The following GNL3L variants were observed in gnomAD, a reference collection of about 807,000 sequenced individuals.
GNL3L encodes the protein guanine nucleotide-binding protein-like 3-like protein.
GNL3L carries 4 observed loss-of-function variants against 42.9 expected under a neutral mutation model. The observed-to-expected ratio is 0.09, with a 90% CI of 0.05 to 0.21. The LOEUF (loss-of-function observed/expected upper bound fraction) is 0.21. Ranked by LOEUF, GNL3L falls within the 10% of genes least tolerant of loss-of-function variation. The pLI is 1.00. For synonymous variants in GNL3L, 159 were observed against 176.3 expected (o/e 0.90, Z 0.78); for missense variants, 412 against 481.7 (o/e 0.86, Z 1.36).
intron 16 of GNL3L, among the ~76,000 whole-genome samples, chrX:54,601,730 A>G (rs1926006874): frequency 8.9e-6 from 1 of 111,796 alleles, no homozygotes; most frequent in Non-Finnish European, 1.9e-5. Flanking sequence ...ATTAACCCCA[A>G]AACTGCCGTG....
downstream of GNL3L, among the ~76,000 whole-genome samples, chrX:54,571,310 C>T (rs1428220057): frequency 1.9e-5 from 2 of 107,402 alleles, no homozygotes; most frequent in Non-Finnish European, 3.8e-5. Context: ...TCTCCTGCCT[C>T]AGCCTCCCGA....
intron 16 of GNL3L, among the ~76,000 whole-genome samples, chrX:54,588,738 T>A (rs1925823687): frequency 9.0e-6 from 1 of 111,418 alleles, no homozygotes; most frequent in African/African-American, 3.3e-5. Flanking sequence ...GGCAGGAGAA[T>A]CATTTGAACC....
At chrX:54,586,059 T>C (rs1017408891) in intron 16 of GNL3L, among the ~76,000 whole-genome samples, 4 of 111,484 alleles carry the variant, frequency 3.6e-5, no homozygotes, top group African/African-American at 9.8e-5. Context: ...TAATCACACT[T>C]CAAATAGATC....
At chrX:54,593,505 C>CT (rs751204193) in intron 16 of GNL3L, among the ~76,000 whole-genome samples, 12 of 103,903 alleles carry the variant, frequency 1.2e-4, no homozygotes, top group Non-Finnish European at 1.6e-4. Flanking sequence ...TATTTGGGTC[C>CT]TTTTTTTTTT....
chrX:54,600,206 CTTTTTTTTTTTTTTTTTTTTTT>C (rs1172527598), intron 16 of GNL3L, among the ~76,000 whole-genome samples: 1 of 13,386 alleles, frequency 7.5e-5, no homozygotes, highest in African/African-American at 3.3e-4. Context: ...CAATCTGCTG[CTTTTTTTTTTTTTTTTTTTTTT>C]TTTTTTTTTT....
chrX:54,609,696 C>G (rs1286322738), intron 16 of GNL3L, among the ~76,000 whole-genome samples: 1 of 111,725 alleles, frequency 9.0e-6, no homozygotes, highest in Non-Finnish European at 1.9e-5. Context: ...CTATTCTGTT[C>G]CATTGATCTA....
intron 16 of GNL3L, among the ~76,000 whole-genome samples, chrX:54,578,755 C>T (rs1415078307): frequency 1.8e-5 from 2 of 112,089 alleles, no homozygotes; most frequent in Non-Finnish European, 3.8e-5. Flanking sequence ...TTGTGTTAAC[C>T]TAAGTTTTTA....
intron 16 of GNL3L, among the ~76,000 whole-genome samples, chrX:54,588,871 T>C (rs1367303339): frequency 8.9e-6 from 1 of 112,388 alleles, no homozygotes; most frequent in Non-Finnish European, 1.9e-5. Context: ...TTTATTATGC[T>C]TTATTTTATT....
chrX:54,613,792 C>T (rs1926191021), intron 16 of GNL3L, among the ~76,000 whole-genome samples: 2 of 110,639 alleles, frequency 1.8e-5, no homozygotes, highest in African/African-American at 6.6e-5. Flanking sequence ...CTGTGTATAC[C>T]AGCGCCTGTT....
In GNL3L at chrX:54,585,393, T is replaced by G. The variant is rs750979532; in HGVS notation, c.*45+24746T>G. On this transcript the variant is annotated intron_variant, in intron 16 of 16. Coordinates refer to the GNL3L transcript ENST00000674498. ...AGTGAAACCATATGACCCTAGTCTT[T>G]TCTTTGTTGGGATATTTTTTGATTA... 1.3e-4 allele frequency among the ~76,000 whole-genome samples: 14 copies of G among 111,260 alleles called. No homozygotes were observed. The South Asian group carries it at 5.3e-3, about 42-fold the overall frequency.
chrX:54,599,110 A>G lies in GNL3L; in HGVS notation c.*46-21735A>G, dbSNP rs184495855. 5.4e-4 allele frequency among the ~76,000 whole-genome samples: 60 copies of G among 112,139 alleles called. 1 individual carries two copies. The East Asian group carries it at 0.013, about 24-fold the overall frequency. The stretch of plus-strand genomic sequence containing the variant: ...AAATACAAGGAGAAAATCTCAAACC[A>G]GAGGATAATAAAAATCGTTTCTATA... On this transcript the variant is annotated intron_variant, in intron 16 of 16. Transcript: ENST00000674498.
intron 8 of GNL3L, among the ~76,000 whole-genome samples, chrX:54,546,629 T>C (rs765022600): frequency 8.9e-6 from 1 of 112,234 alleles, no homozygotes; most frequent in Non-Finnish European, 1.9e-5. Context: ...TTACATTTTC[T>C]TGGCCTTTTT....
the GNL3L span, among the ~76,000 whole-genome samples, chrX:54,634,370 C>T: frequency 0.083 from 9,243 of 111,685 alleles, 812 homozygotes; most frequent in African/African-American, 0.26. Flanking sequence ...GGCGCTATCT[C>T]GGCTCCCTGC....
At chrX:54,624,711 G>A (rs1175495436), downstream of GNL3L, among the ~76,000 whole-genome samples, 4 of 110,710 alleles carry the variant, frequency 3.6e-5, no homozygotes, top group Non-Finnish European at 1.9e-5. Context: ...AAAGTGCTGG[G>A]ATTACAGGCA....
intron 5 of GNL3L, 85 bp from the exon 6 acceptor site, chrX:54,542,870 C>A: frequency 5.4e-6 from 3 of 557,164 alleles, no homozygotes; most frequent in Non-Finnish European, 9.2e-6. Flanking sequence ...TTTTTTAAGC[C>A]TCCTATAGTT....
intron 16 of GNL3L, among the ~76,000 whole-genome samples, chrX:54,607,009 TTTC>T (rs1223283098): frequency 5.1e-4 from 16 of 31,400 alleles, no homozygotes; most frequent in Admixed American, 4.1e-3. Context: ...TCTTTCTTTC[TTTC>T]TTTCTTTCTT....
intron 15 of GNL3L, among the ~76,000 whole-genome samples, chrX:54,559,969 T>C (rs1017904025): frequency 3.6e-5 from 4 of 110,984 alleles, no homozygotes; most frequent in African/African-American, 1.3e-4. Context: ...GAGCACATAG[T>C]AATCACGTTG....
chrX:54,547,777 G>T (rs1439625768), intron 8 of GNL3L, among the ~76,000 whole-genome samples: 1 of 111,854 alleles, frequency 8.9e-6, no homozygotes, highest in Non-Finnish European at 1.9e-5. Context: ...TAAAGGTTGG[G>T]ATGGCTTTGT....
At chrX:54,538,713 A>C (rs1267178891) in intron 2 of GNL3L, among the ~76,000 whole-genome samples, 4 of 111,544 alleles carry the variant, frequency 3.6e-5, no homozygotes, top group Non-Finnish European at 7.5e-5. Context: ...CCCTCATCTC[A>C]GCCTGGCACT....
Sources: allele counts gnomAD v4.1 joint callset (sites outside exome capture counted in the v4.1 genomes callset), GRCh38; gene constraint gnomAD v4.1.1; transcripts MANE v1.5; gene names NCBI Gene and HGNC (gene_info 2026-07-23, HGNC 2026-07-21).